The following ZNF292 variants were observed in gnomAD, a reference collection of about 807,000 sequenced individuals.
ZNF292 encodes the protein 16 zinc-finger domain protein.
In ZNF292, 26 loss-of-function variants were observed where a neutral mutation model predicts 217.9. That is an observed-to-expected ratio of 0.12 (90% CI 0.09 to 0.17). ZNF292 has a LOEUF of 0.17. ZNF292 is among the 10% of genes least tolerant of loss of function. The pLI, the probability that ZNF292 is intolerant of heterozygous loss-of-function variation, is 1.00. For synonymous variants in ZNF292, 1,257 were observed against 1,124.1 expected, an observed-to-expected ratio of 1.12 and a Z score of -2.37; for missense variants, 2,904 against 3,175.2, an observed-to-expected ratio of 0.91 and a Z score of 2.05.
At chr6:87,177,170 A>G (rs1771329051) in intron 1 of ZNF292, among the ~76,000 whole-genome samples, 1 of 152,152 alleles carries the variant, frequency 6.6e-6, no homozygotes, top group African/African-American at 2.4e-5. Context: ...TTTACTAAAA[A>G]TACAGAATTA....
At chr6:87,178,478 G>C (rs1002666385) in intron 1 of ZNF292, among the ~76,000 whole-genome samples, 1 of 152,144 alleles carries the variant, frequency 6.6e-6, no homozygotes, top group African/African-American at 2.4e-5. Flanking sequence ...TGATCAAACA[G>C]TTCTTATAAA....
At chr6:87,162,663 C>A (rs951806246) in intron 1 of ZNF292, among the ~76,000 whole-genome samples, 3 of 152,152 alleles carry the variant, frequency 2.0e-5, no homozygotes, top group African/African-American at 7.2e-5. Context: ...CAAAACTAAG[C>A]TTTGCTTGCC....
At chr6:87,220,073 C>T (rs2127807414) in intron 4 of ZNF292, among the ~76,000 whole-genome samples, 1 of 152,278 alleles carries the variant, frequency 6.6e-6, no homozygotes, top group Non-Finnish European at 1.5e-5. Flanking sequence ...GCCATCCTCC[C>T]ACCTCAGCCT....
intron 1 of ZNF292, among the ~76,000 whole-genome samples, chr6:87,172,681 G>A (rs1377676535): frequency 6.6e-6 from 1 of 152,070 alleles, no homozygotes; most frequent in Non-Finnish European, 1.5e-5. Flanking sequence ...CAAGGCAGGT[G>A]GCTTACTTGA....
intron 1 of ZNF292, among the ~76,000 whole-genome samples, chr6:87,181,960 A>G (rs1000862858): frequency 1.3e-5 from 2 of 152,130 alleles, no homozygotes; most frequent in African/African-American, 4.8e-5. Context: ...CTGAGATTAC[A>G]GGCGCCCGGC....
intron 4 of ZNF292, among the ~76,000 whole-genome samples, chr6:87,229,436 C>CT (rs1440768768): frequency 6.6e-6 from 1 of 151,842 alleles, no homozygotes. Context: ...TCTTTCTTTT[C>CT]TTTTTTGAGA....
Position 87,217,731 on chromosome 6 carries a change from C to T in ZNF292, c.403-865C>T, listed in dbSNP as rs1772860931. On this transcript the variant is annotated intron_variant, in intron 3 of 7. Transcript: ENST00000369577. Reference sequence around the variant, plus strand: ...TACTTAAAGAAAACTTAGTAAAGCACCTGAACTTTGTTGGAATGGGAATAT... The same window carrying T: ...TACTTAAAGAAAACTTAGTAAAGCATCTGAACTTTGTTGGAATGGGAATAT... 3.3e-5 allele frequency among the ~76,000 whole-genome samples: 5 copies of T among 152,034 alleles called. 1 individual carries two copies. Among genetic ancestry groups the T allele is most frequent in the Admixed American group, 3.3e-4 (5 of 15,264 alleles).
rs866475029 is a variant in ZNF292, at chr6:87,257,532, T to G, written c.3903T>G (p.Ile1301Met). 1.2e-6 allele frequency: 2 copies of G among 1,608,510 alleles called. No homozygotes were observed. The highest frequency in any genetic ancestry group is 1.3e-5 in the African/African-American group (1 of 75,000). Reference sequence around the variant, plus strand: ...ATACAAATCATTATTCCTCACAGATTGAAGGAAACACTAATTCCTCCTTTC... The same window carrying G: ...ATACAAATCATTATTCCTCACAGATGGAAGGAAACACTAATTCCTCCTTTC... ...ENNTNHYSSQIEGNTNSSFLK... is the reference protein window; with the variant it reads ...ENNTNHYSSQMEGNTNSSFLK... The change falls in exon 8 of 8, where the codon ATT becomes ATG. Residue 1301 changes from isoleucine to methionine, a missense_variant. Around this residue, in one of 15 missense-constraint regions of ZNF292, gnomAD observed 687 missense variants for 623.0 expected, o/e 1.10. Coordinates refer to ENST00000369577, the MANE Select transcript of ZNF292 (RefSeq NM_015021.3).
intron 5 of ZNF292, among the ~76,000 whole-genome samples, chr6:87,236,537 T>A (rs1773914521): frequency 6.6e-6 from 1 of 152,126 alleles, no homozygotes; most frequent in Non-Finnish European, 1.5e-5. Context: ...AGTAAAAAAT[T>A]AAGTTAGCAG....
At chr6:87,216,845 T>C (rs574342674) in intron 3 of ZNF292, among the ~76,000 whole-genome samples, 4 of 152,172 alleles carry the variant, frequency 2.6e-5, no homozygotes, top group South Asian at 4.1e-4. Context: ...ATAGTAGTTA[T>C]TCGAACTAAG....
chr6:87,233,631 T>A, intron 5 of ZNF292, 104 bp downstream of exon 5: 1 of 1,480,744 alleles, frequency 6.8e-7, no homozygotes, highest in Non-Finnish European at 8.9e-7. Flanking sequence ...GAAGAGATCA[T>A]TGTCAATCTT....
intron 1 of ZNF292, chr6:87,170,131 A>AT (rs1280348551): frequency 2.0e-5 from 3 of 152,308 alleles, no homozygotes; most frequent in Admixed American, 6.5e-5. Flanking sequence ...GCAAATTTTA[A>AT]TTTTTTTAAA....
At position 87,259,367 on chromosome 6, in the gene ZNF292, C is replaced by G; in HGVS notation, c.5738C>G (p.Ala1913Gly). The change falls in exon 8 of 8, where the codon GCT (alanine) becomes GGT (glycine). Residue 1913 changes from alanine (A) to glycine (G), a missense_variant. Coordinates refer to ENST00000369577, the MANE Select transcript of ZNF292 (RefSeq NM_015021.3). ...VCQNQGCNYSAMTKDALFKHY... is the reference protein window; with the variant it reads ...VCQNQGCNYSGMTKDALFKHY... ...CAAAACCAAGGCTGTAACTACAGTG[C>G]TATGACAAAGGATGCACTATTTAAG... is the stretch of plus-strand genomic sequence containing the variant. 1 of 1,612,900 alleles carries G rather than the reference C, an allele frequency of 6.2e-7. No homozygotes were observed.
chr6:87,159,402 G>A (rs985931266), intron 1 of ZNF292, among the ~76,000 whole-genome samples: 75 of 150,552 alleles, frequency 5.0e-4, no homozygotes, highest in African/African-American at 1.7e-3. Context: ...TGAGAGATGG[G>A]GTCTTGCTAC....
At chr6:87,240,467 G>A (rs1046406795) in intron 5 of ZNF292, among the ~76,000 whole-genome samples, 2 of 152,096 alleles carry the variant, frequency 1.3e-5, no homozygotes, top group African/African-American at 4.8e-5. Flanking sequence ...TTGTTGCCCA[G>A]CCTGGAGTGC....
At chr6:87,198,533 C>G (rs1772025878) in intron 1 of ZNF292, among the ~76,000 whole-genome samples, 1 of 152,098 alleles carries the variant, frequency 6.6e-6, no homozygotes, top group East Asian at 1.9e-4. Context: ...CCATGTTAGT[C>G]ATTTTAGAAA....
chr6:87,261,529 A>G lies in ZNF292; in HGVS notation c.7900A>G (p.Thr2634Ala), dbSNP rs566434477. ...HSNSRKNIDKTAVTSGNHVCP... is the reference protein window; with the variant it reads ...HSNSRKNIDKAAVTSGNHVCP... ...AAATTCAAGAAAAAATATTGATAAG[A>G]CTGCTGTGACTAGTGGAAATCATGT... The change falls in exon 8 of 8, where the codon ACT becomes GCT. Residue 2634 changes from threonine (T) to alanine (A), a missense_variant. Thr to Ala is a moderately conservative substitution (Grantham distance 58). This residue lies in a region of ZNF292 where 380 missense variants were observed against 355.3 expected (regional missense o/e 1.07). Coordinates refer to ENST00000369577, the MANE Select transcript of ZNF292 (RefSeq NM_015021.3). The G allele has an allele frequency of 5.0e-6, 8 of 1,608,600 alleles. No homozygotes were observed. The Admixed American group carries it at 6.8e-5, about 14-fold the overall frequency.
At chr6:87,246,247 G>A (rs988837699) in intron 7 of ZNF292, among the ~76,000 whole-genome samples, 2 of 151,728 alleles carry the variant, frequency 1.3e-5, no homozygotes, top group Non-Finnish European at 2.9e-5. Context: ...ACAAACAAAC[G>A]AACAAAAAAA....
At position 87,257,334 on chromosome 6, in the gene ZNF292, T is replaced by A; in HGVS notation, c.3705T>A (p.Pro1235=). Residue 1235 remains proline (P), a synonymous_variant, in exon 8 of 8, where the codon CCT becomes CCA. Coordinates refer to ENST00000369577, the MANE Select transcript of ZNF292 (RefSeq NM_015021.3). Reference sequence around the variant, plus strand: ...TATGTTCCCAAATGGAAAATTTACCTAGTACTGCCTTGCCAGCACAAATGG... The same window carrying A: ...TATGTTCCCAAATGGAAAATTTACCAAGTACTGCCTTGCCAGCACAAATGG... ...GMLCSQMENL[P]STALPAQMED... 1 of 1,613,716 alleles carries A rather than the reference T, an allele frequency of 6.2e-7. No homozygotes were observed. Among genetic ancestry groups the A allele is most frequent in the South Asian group, 1.1e-5 (1 of 91,050 alleles).
Sources: allele counts gnomAD v4.1 joint callset (sites outside exome capture counted in the v4.1 genomes callset), GRCh38; gene constraint gnomAD v4.1.1; regional missense constraint gnomAD v4.1.1; transcripts MANE v1.5; gene names NCBI Gene and HGNC (gene_info 2026-07-23, HGNC 2026-07-21).